Variants in TEK observed in about 807,000 individuals in gnomAD.
The protein encoded by TEK is TEK receptor tyrosine kinase.
Under a neutral mutation model 131.8 loss-of-function variants are expected in TEK, and 43 were observed. The ratio of observed to expected loss-of-function variants is 0.33; its 90% confidence interval spans 0.26 to 0.42. The LOEUF (loss-of-function observed/expected upper bound fraction) is 0.42. Ranked by LOEUF, TEK falls within the 10% of genes least tolerant of loss-of-function variation. The probability of loss-of-function intolerance (pLI) is 1.00; values close to 1 mark genes in which losing one functional copy is unlikely to be tolerated. For synonymous variants in TEK, 580 were observed against 491.6 expected, an observed-to-expected ratio of 1.18 and a Z score of -2.38; for missense variants, 1,162 against 1,384.4, an observed-to-expected ratio of 0.84 and a Z score of 2.55.
intron 11 of TEK, 26 bp from the exon 12 acceptor site, chr9:27,197,289 A>T: frequency 6.2e-7 from 1 of 1,612,026 alleles, no homozygotes; most frequent in South Asian, 1.1e-5. Flanking sequence ...ATATATAAAA[A>T]TAATGATTTT....
chr9:27,158,788 T>C (rs956045643), intron 2 of TEK, among the ~76,000 whole-genome samples: 3 of 151,966 alleles, frequency 2.0e-5, no homozygotes, highest in Admixed American at 2.0e-4. Context: ...GCCTCCCAAG[T>C]AGCTGGGATT....
At position 27,127,486 on chromosome 9, in the gene TEK, C is replaced by T. The variant is rs148320042; in HGVS notation, c.52+17844C>T. Among the ~76,000 whole-genome samples the T allele has an allele frequency of 1.9e-3, 283 of 152,290 alleles. 3 individuals carry two copies. Among genetic ancestry groups the T allele is most frequent in the African/African-American group, 6.7e-3 (278 of 41,564 alleles). ...TGACTTATAATCCTTTGGGTGTATA[C>T]CCAGTAATGGGATGGCTGGGTCAAA... is the stretch of plus-strand genomic sequence containing the variant. On this transcript the variant is annotated intron_variant, in intron 1 of 22. Transcript: ENST00000380036.
chr9:27,129,477 A>T (rs903431615), intron 1 of TEK, among the ~76,000 whole-genome samples: 4 of 151,886 alleles, frequency 2.6e-5, no homozygotes, highest in African/African-American at 9.7e-5. Context: ...TCCCCATGCC[A>T]CTTCCCCCTT....
At chr9:27,128,235 T>A (rs1006262283) in intron 1 of TEK, among the ~76,000 whole-genome samples, 4 of 152,226 alleles carry the variant, frequency 2.6e-5, no homozygotes, top group African/African-American at 9.6e-5. Context: ...AAATAGGGAA[T>A]CCTTTCCCCA....
intron 6 of TEK, among the ~76,000 whole-genome samples, chr9:27,173,857 G>A (rs1398439190): frequency 1.3e-5 from 2 of 150,470 alleles, no homozygotes; most frequent in African/African-American, 4.9e-5. Flanking sequence ...TTGAGCCCAG[G>A]AGTTTGAAGC....
chr9:27,208,607 G>A (rs1825487214), intron 15 of TEK, among the ~76,000 whole-genome samples: 3 of 152,190 alleles, frequency 2.0e-5, no homozygotes, highest in Admixed American at 6.5e-5. Flanking sequence ...TAAAAAATAA[G>A]TTACAGTTAG....
chr9:27,192,658 T>A, intron 11 of TEK, 35 bp downstream of exon 11: 1 of 1,243,032 alleles, frequency 8.0e-7, no homozygotes, highest in South Asian at 1.2e-5. Context: ...ATTCATGAGC[T>A]GGGTGGGAGG....
At chr9:27,152,621 A>T (rs1478963337) in intron 1 of TEK, among the ~76,000 whole-genome samples, 2 of 149,304 alleles carry the variant, frequency 1.3e-5, no homozygotes, top group Non-Finnish European at 3.0e-5. Context: ...AAAATAAAAT[A>T]AAGTTGAGTA....
intron 1 of TEK, among the ~76,000 whole-genome samples, chr9:27,137,824 T>C (rs2131076970): frequency 6.6e-6 from 1 of 152,060 alleles, no homozygotes; most frequent in South Asian, 2.1e-4. Context: ...CTGCCTTTCC[T>C]GGTTGTATTA....
chr9:27,190,251 G>T lies in TEK; in HGVS notation c.1328-278G>T, dbSNP rs4878361. On this transcript the variant is annotated intron_variant, in intron 9 of 22. Transcript: ENST00000380036. Reference sequence around the variant, plus strand: ...AATCACTCAAGGCCTGGCTGGTCACGATATGAATTTTTGGTTTTATCCTAC... The same window carrying T: ...AATCACTCAAGGCCTGGCTGGTCACTATATGAATTTTTGGTTTTATCCTAC... Among the ~76,000 whole-genome samples, 8,231 of 152,166 alleles carry T rather than the reference G, an allele frequency of 0.054. 311 individuals carry two copies. The highest frequency in any genetic ancestry group is 0.14 in the South Asian group (680 of 4,816).
intron 1 of TEK, among the ~76,000 whole-genome samples, chr9:27,112,943 A>G (rs920046834): frequency 1.3e-5 from 2 of 152,258 alleles, no homozygotes; most frequent in Non-Finnish European, 2.9e-5. Context: ...GGAAGACAAC[A>G]TAGGCTCTGC....
chr9:27,214,596 C>T (rs576257070), intron 18 of TEK, among the ~76,000 whole-genome samples: 11 of 152,244 alleles, frequency 7.2e-5, no homozygotes, highest in Non-Finnish European at 1.3e-4. Context: ...TAAAACAATA[C>T]TCAAGAACAT....
At chr9:27,129,542 T>G (rs1474183647) in intron 1 of TEK, among the ~76,000 whole-genome samples, 1 of 152,184 alleles carries the variant, frequency 6.6e-6, no homozygotes, top group Non-Finnish European at 1.5e-5. Flanking sequence ...GCCCATCTCC[T>G]CTGGAAATCT....
intron 1 of TEK, among the ~76,000 whole-genome samples, chr9:27,138,177 C>T (rs747609207): frequency 6.6e-5 from 10 of 152,218 alleles, no homozygotes; most frequent in Admixed American, 3.9e-4. Context: ...TGAGCAGCAG[C>T]AAGATTTATT....
intron 16 of TEK, among the ~76,000 whole-genome samples, chr9:27,210,813 G>C (rs1418202090): frequency 1.3e-5 from 2 of 152,096 alleles, no homozygotes; most frequent in East Asian, 3.9e-4. Context: ...TTAGCACATA[G>C]CTGGCTCTTA....
intron 21 of TEK, among the ~76,000 whole-genome samples, chr9:27,224,659 G>T (rs1587055778): frequency 6.6e-6 from 1 of 152,232 alleles, no homozygotes; most frequent in South Asian, 2.1e-4. Flanking sequence ...CACACTGAAT[G>T]GACAAAAGCT....
Position 27,212,878 on chromosome 9 carries a change from A to C in TEK, c.2858A>C (p.Asp953Ala). The change falls in exon 17 of 23, where the codon GAC (aspartate) becomes GCC (alanine). Residue 953 changes from aspartate (D) to alanine (A), a missense_variant. Physicochemically the swap from Asp to Ala is moderately radical, Grantham distance 126 (BLOSUM62 -2). This residue lies in a region of TEK where 107 missense variants were observed against 173.9 expected (regional missense o/e 0.62). Transcript: ENST00000380036. ...HFAADVARGMDYLSQKQFIHR... is the reference protein window; with the variant it reads ...HFAADVARGMAYLSQKQFIHR... Reference sequence around the variant, plus strand: ...GCTGCCGACGTGGCCCGGGGCATGGACTACTTGAGCCAAAAACAGGTTTGT... The same window carrying C: ...GCTGCCGACGTGGCCCGGGGCATGGCCTACTTGAGCCAAAAACAGGTTTGT... 6.2e-7 allele frequency: 1 copy of C among 1,614,016 alleles called. No homozygotes were observed. The highest frequency in any genetic ancestry group is 8.5e-7 in the Non-Finnish European group (1 of 1,179,986).
chr9:27,217,609 G>A (rs921693297), intron 18 of TEK, 79 bp from the exon 19 acceptor site: 1 of 1,264,646 alleles, frequency 7.9e-7, no homozygotes, highest in African/African-American at 1.5e-5. Flanking sequence ...AATCATTTGT[G>A]GAGCCACAGC....
chr9:27,160,324 C>G (rs1464069166), intron 2 of TEK, among the ~76,000 whole-genome samples: 1 of 152,138 alleles, frequency 6.6e-6, no homozygotes, highest in Non-Finnish European at 1.5e-5. Context: ...CCAGGCCTGA[C>G]TTTTAGAAAG....
Sources: allele counts gnomAD v4.1 joint callset (sites outside exome capture counted in the v4.1 genomes callset), GRCh38; gene constraint gnomAD v4.1.1; regional missense constraint gnomAD v4.1.1; transcripts MANE v1.5; gene names NCBI Gene and HGNC (gene_info 2026-07-23, HGNC 2026-07-21).